The following ZNF804A variants were observed in gnomAD, a reference collection of about 807,000 sequenced individuals.
The protein encoded by ZNF804A is zinc finger protein 804A.
Under a neutral mutation model 16.5 loss-of-function variants are expected in ZNF804A, and 2 were observed. That is an observed-to-expected ratio of 0.12 (90% CI 0.05 to 0.38). ZNF804A has a LOEUF of 0.38. ZNF804A is among the 10% of genes least tolerant of loss of function. The pLI is 0.99. For missense variants in ZNF804A, 1,473 were observed against 1,390.7 expected, an observed-to-expected ratio of 1.06 and a Z score of -0.94; for synonymous variants, 534 against 489.6, an observed-to-expected ratio of 1.09 and a Z score of -1.20.
At chr2:184,626,034 A>T (rs2105683204) in intron 1 of ZNF804A, among the ~76,000 whole-genome samples, 1 of 152,056 alleles carries the variant, frequency 6.6e-6, no homozygotes, top group Non-Finnish European at 1.5e-5. Flanking sequence ...ACGCCCAGCT[A>T]ATTTTTTGTA....
At chr2:184,855,585 G>A (rs926769722) in intron 1 of ZNF804A, among the ~76,000 whole-genome samples, 2 of 147,308 alleles carry the variant, frequency 1.4e-5, no homozygotes, top group Admixed American at 6.9e-5. Context: ...TATATATACT[G>A]TAATGTACAC....
intron 1 of ZNF804A, among the ~76,000 whole-genome samples, chr2:184,707,379 C>T (rs1693047385): frequency 6.6e-6 from 1 of 152,086 alleles, no homozygotes; most frequent in Admixed American, 6.6e-5. Context: ...GTTTGGGATA[C>T]AGATGATCCT....
At chr2:184,884,375 A>G (rs572049093) in intron 2 of ZNF804A, among the ~76,000 whole-genome samples, 34 of 152,264 alleles carry the variant, frequency 2.2e-4, no homozygotes, top group Middle Eastern at 3.4e-3. Flanking sequence ...CATACTTTCC[A>G]AAGCAACTTA....
chr2:184,831,529 A>C (rs1400939575), intron 1 of ZNF804A, among the ~76,000 whole-genome samples: 1 of 152,078 alleles, frequency 6.6e-6, no homozygotes, highest in Non-Finnish European at 1.5e-5. Flanking sequence ...GCATTTCAGT[A>C]GCATCAGTGT....
At chr2:184,704,484 G>A (rs1692987090) in intron 1 of ZNF804A, among the ~76,000 whole-genome samples, 1 of 152,152 alleles carries the variant, frequency 6.6e-6, no homozygotes, top group South Asian at 2.1e-4. Flanking sequence ...AAATAGGAAG[G>A]ACATTGAAAG....
intron 1 of ZNF804A, among the ~76,000 whole-genome samples, chr2:184,677,074 A>G (rs569101311): frequency 6.6e-6 from 1 of 151,906 alleles, no homozygotes; most frequent in African/African-American, 2.4e-5. Flanking sequence ...GAAAAAAAAC[A>G]TTTATTTTTT....
Position 184,724,041 on chromosome 2 carries a change from T to C in ZNF804A, c.111+124971T>C, listed in dbSNP as rs140577833. On this transcript the variant is annotated intron_variant, in intron 1 of 3. Coordinates refer to ENST00000302277, the MANE Select transcript of ZNF804A (RefSeq NM_194250.2). The stretch of plus-strand genomic sequence containing the variant: ...TTCAACATAGTTTTGGCAGTTGTTA[T>C]ATATCTCTTATAATATTGTGCTTAT... 2.2e-3 allele frequency among the ~76,000 whole-genome samples: 328 copies of C among 151,862 alleles called. 1 individual carries two copies. The highest frequency in any genetic ancestry group is 6.8e-3 in the Middle Eastern group (2 of 294).
intron 1 of ZNF804A, among the ~76,000 whole-genome samples, chr2:184,622,539 T>G (rs1242515520): frequency 6.6e-6 from 1 of 151,864 alleles, no homozygotes; most frequent in Non-Finnish European, 1.5e-5. Flanking sequence ...CCTACCACCT[T>G]CAATAGACTT....
chr2:184,777,901 T>A (rs1327092843), intron 1 of ZNF804A, among the ~76,000 whole-genome samples: 1 of 151,660 alleles, frequency 6.6e-6, no homozygotes, highest in Non-Finnish European at 1.5e-5. Context: ...GATAAAAATA[T>A]TAGCTAAATT....
intron 2 of ZNF804A, among the ~76,000 whole-genome samples, chr2:184,876,111 C>T (rs1684668582): frequency 6.6e-6 from 1 of 152,128 alleles, no homozygotes; most frequent in Non-Finnish European, 1.5e-5. Flanking sequence ...TGTTCTGCCC[C>T]AGAGGAAGTC....
At chr2:184,837,636 A>T (rs1695372406) in intron 1 of ZNF804A, among the ~76,000 whole-genome samples, 1 of 152,190 alleles carries the variant, frequency 6.6e-6, no homozygotes, top group African/African-American at 2.4e-5. Context: ...TAATAATCTT[A>T]AAAGGTATAA....
At chr2:184,669,444 A>G (rs1692307909) in intron 1 of ZNF804A, among the ~76,000 whole-genome samples, 1 of 152,084 alleles carries the variant, frequency 6.6e-6, no homozygotes, top group Admixed American at 6.6e-5. Context: ...TCTGAGGTTC[A>G]GTTTTCTCTT....
intron 1 of ZNF804A, among the ~76,000 whole-genome samples, chr2:184,802,710 T>G (rs1331512841): frequency 2.6e-5 from 4 of 152,226 alleles, no homozygotes; most frequent in Admixed American, 2.6e-4. Context: ...TTTTTACTTC[T>G]TGGAATAGTA....
At chr2:184,935,755 T>A in intron 3 of ZNF804A, 28 bp from the exon 4 acceptor site, 1 of 1,541,730 alleles carries the variant, frequency 6.5e-7, no homozygotes. Flanking sequence ...GTGTGCTATT[T>A]AACACATGCT....
chr2:184,843,003 A>T (rs1201511203), intron 1 of ZNF804A, among the ~76,000 whole-genome samples: 1 of 152,074 alleles, frequency 6.6e-6, no homozygotes, highest in Non-Finnish European at 1.5e-5. Context: ...CTTGCCCTTT[A>T]CTTAAAACCC....
intron 1 of ZNF804A, among the ~76,000 whole-genome samples, chr2:184,686,024 G>A (rs992149195): frequency 6.6e-6 from 1 of 152,252 alleles, no homozygotes; most frequent in African/African-American, 2.4e-5. Context: ...ACAGCTCCAA[G>A]TGCACGTACA....
At chr2:184,708,744 A>G (rs1476502023) in intron 1 of ZNF804A, among the ~76,000 whole-genome samples, 2 of 152,168 alleles carry the variant, frequency 1.3e-5, no homozygotes, top group Non-Finnish European at 2.9e-5. Context: ...CTATAAATAT[A>G]TACACTATGT....
chr2:184,628,041 T>C (rs1691533744), intron 1 of ZNF804A, among the ~76,000 whole-genome samples: 1 of 152,140 alleles, frequency 6.6e-6, no homozygotes, highest in South Asian at 2.1e-4. Context: ...ATGGCCGGGC[T>C]CAGTGGCTCA....
intron 1 of ZNF804A, among the ~76,000 whole-genome samples, chr2:184,775,950 G>A (rs1694279161): frequency 6.6e-6 from 1 of 151,550 alleles, no homozygotes; most frequent in Admixed American, 6.6e-5. Context: ...ATTTTGCTTA[G>A]AAGTATGATT....
Sources: allele counts gnomAD v4.1 joint callset (sites outside exome capture counted in the v4.1 genomes callset), GRCh38; gene constraint gnomAD v4.1.1; transcripts MANE v1.5; gene names NCBI Gene and HGNC (gene_info 2026-07-23, HGNC 2026-07-21).